Variants in ADAMTSL1 observed in about 807,000 individuals in gnomAD.
ADAMTSL1 encodes ADAMTS like 1, also known as ADAMTS-like protein 1.
A neutral mutation model predicts 201.8 loss-of-function variants in ADAMTSL1; 126 were observed. The ratio of observed to expected loss-of-function variants is 0.62; its 90% CI spans 0.54 to 0.72. The LOEUF is 0.72. Among genes scored for constraint, ADAMTSL1 ranks in the 30% least tolerant of loss-of-function variants. The probability of loss-of-function intolerance (pLI) is 0.00; values close to 1 mark genes in which losing one functional copy is unlikely to be tolerated. For synonymous variants in ADAMTSL1, 1,121 were observed against 903.4 expected (o/e 1.24, Z -4.32); for missense variants, 2,679 against 2,277.8 (o/e 1.18, Z -3.59).
At position 18,679,097 on chromosome 9, in the gene ADAMTSL1, C is replaced by G. The variant is rs76216322; in HGVS notation, c.1137-1215C>G. ...TGCAGAGAAAATGTGAAGGAAAACCCTTTGTAACTAGGAAAAACACATGAT... is the reference window on the plus strand; with the variant it reads ...TGCAGAGAAAATGTGAAGGAAAACCGTTTGTAACTAGGAAAAACACATGAT... On this transcript the variant is annotated intron_variant, in intron 10 of 28. Transcript: ENST00000380548. Among the ~76,000 whole-genome samples, 1,286 of 152,194 alleles carry G rather than the reference C, an allele frequency of 8.4e-3. 11 individuals carry two copies. Among genetic ancestry groups the G allele is most frequent in the Non-Finnish European group, 0.015 (1,039 of 67,998 alleles).
At chr9:18,500,827 T>A (rs1822790958) in intron 1 of ADAMTSL1, among the ~76,000 whole-genome samples, 1 of 152,236 alleles carries the variant, frequency 6.6e-6, no homozygotes, top group Non-Finnish European at 1.5e-5. Context: ...TTGCCTTACA[T>A]AAAGAACTTA....
At chr9:18,304,216 A>C (rs1389971209) in intron 2 of ADAMTSL1, among the ~76,000 whole-genome samples, 1 of 152,096 alleles carries the variant, frequency 6.6e-6, no homozygotes, top group African/African-American at 2.4e-5. Flanking sequence ...TTGTTTGGAA[A>C]GCAACATGAA....
rs558658588 is a variant in ADAMTSL1 at position 18,788,541 on chromosome 9, T to C, written c.3678-6856T>C. Among the ~76,000 whole-genome samples the C allele has an allele frequency of 4.6e-5, 7 of 152,294 alleles. No individual in the cohort carries two copies. The South Asian group carries it at 1.5e-3, about 32-fold the overall frequency. ...CTGAGCAAATTGCTTCTGTGAACTT[T>C]TGCCTGCTCTCTAAAATGGGAAAAT... On this transcript the variant is annotated intron_variant, in intron 19 of 28. Transcript: ENST00000380548.
intron 23 of ADAMTSL1, among the ~76,000 whole-genome samples, chr9:18,842,001 T>C (rs372292391): frequency 1.1e-4 from 17 of 151,938 alleles, no homozygotes; most frequent in Admixed American, 7.9e-4. Context: ...CCTGGATTCA[T>C]TAATTTTTTG....
chr9:18,073,132 C>T (rs1463474465), intron 1 of ADAMTSL1, among the ~76,000 whole-genome samples: 1 of 152,146 alleles, frequency 6.6e-6, no homozygotes, highest in African/African-American at 2.4e-5. Context: ...CCAGGCCTGC[C>T]ACGTGTTTTC....
intron 1 of ADAMTSL1, among the ~76,000 whole-genome samples, chr9:17,941,235 T>C (rs764193813): frequency 1.1e-4 from 16 of 152,104 alleles, no homozygotes; most frequent in South Asian, 2.1e-4. Context: ...CTTGAAAATC[T>C]TCCCATTCTT....
chr9:18,644,647 T>C (rs564302366), intron 7 of ADAMTSL1, among the ~76,000 whole-genome samples: 34 of 152,024 alleles, frequency 2.2e-4, no homozygotes, highest in African/African-American at 7.7e-4. Flanking sequence ...GTTTGGTTTT[T>C]TGTCCTTGCG....
intron 14 of ADAMTSL1, among the ~76,000 whole-genome samples, chr9:18,720,352 T>G (rs1833258282): frequency 6.6e-6 from 1 of 152,206 alleles, no homozygotes; most frequent in Non-Finnish European, 1.5e-5. Context: ...GTGCAGTTGT[T>G]GAGAGGACTG....
chr9:18,289,236 C>T (rs930399814), intron 2 of ADAMTSL1, among the ~76,000 whole-genome samples: 3 of 151,916 alleles, frequency 2.0e-5, no homozygotes, highest in Non-Finnish European at 4.4e-5. Context: ...GGCCTTGGCT[C>T]ACATTATTTA....
At chr9:18,561,110 G>A (rs1359079051) in intron 3 of ADAMTSL1, among the ~76,000 whole-genome samples, 1 of 151,870 alleles carries the variant, frequency 6.6e-6, no homozygotes, top group East Asian at 1.9e-4. Context: ...CCTAGGTCTT[G>A]TAATTGTGAT....
chr9:17,954,887 T>C (rs1185360899), intron 1 of ADAMTSL1, among the ~76,000 whole-genome samples: 1 of 152,158 alleles, frequency 6.6e-6, no homozygotes, highest in African/African-American at 2.4e-5. Context: ...TATTTGAAGA[T>C]GCTGGACCTG....
chr9:17,933,650 A>G (rs998764301), intron 1 of ADAMTSL1, among the ~76,000 whole-genome samples: 1 of 152,166 alleles, frequency 6.6e-6, no homozygotes, highest in African/African-American at 2.4e-5. Flanking sequence ...GCCTCAGGAA[A>G]CTTACAATCA....
At chr9:18,850,755 A>G (rs1826441925) in intron 23 of ADAMTSL1, among the ~76,000 whole-genome samples, 1 of 152,246 alleles carries the variant, frequency 6.6e-6, no homozygotes, top group Non-Finnish European at 1.5e-5. Flanking sequence ...CTACCGTTTT[A>G]TTAACTTACT....
At chr9:18,342,852 C>G (rs939150934) in intron 2 of ADAMTSL1, among the ~76,000 whole-genome samples, 2 of 152,156 alleles carry the variant, frequency 1.3e-5, no homozygotes, top group African/African-American at 2.4e-5. Flanking sequence ...AAGATTTCAT[C>G]TGAAACTTCT....
At chr9:18,476,320 A>C (rs1821449346) in intron 1 of ADAMTSL1, among the ~76,000 whole-genome samples, 1 of 152,192 alleles carries the variant, frequency 6.6e-6, no homozygotes. Context: ...ATAAGCTTGC[A>C]TTTGAACCCA....
chr9:18,908,656 C>G lies in ADAMTSL1; in HGVS notation c.*108C>G, dbSNP rs566969803. The G allele has an allele frequency of 2.3e-6, 2 of 855,376 alleles. No homozygotes were observed. The highest frequency in any genetic ancestry group is 1.7e-5 in the African/African-American group (1 of 58,944). 53.0% of individuals were successfully genotyped at this position (855,376 alleles called of 1,614,324 possible). A position where few individuals can be genotyped will look rare whatever the true frequency, so the allele number is the denominator to read the frequency against. ...TTTTATTTATTTATTTCCCCCTCCC[C>G]ACTCCACACACACCCTTCCAACCTC... On this transcript the variant is annotated 3_prime_UTR_variant, in exon 29 of 29. Coordinates refer to ENST00000380548, the MANE Select transcript of ADAMTSL1 (RefSeq NM_001040272.6).
chr9:18,214,676 A>G (rs1188943751), intron 2 of ADAMTSL1, among the ~76,000 whole-genome samples: 1 of 152,206 alleles, frequency 6.6e-6, no homozygotes. Context: ...GTTGTTTGCT[A>G]TTAATAATGT....
intron 1 of ADAMTSL1, among the ~76,000 whole-genome samples, chr9:17,991,005 C>T (rs1244854024): frequency 2.6e-5 from 4 of 152,056 alleles, no homozygotes; most frequent in Non-Finnish European, 5.9e-5. Context: ...TTAACTTTGA[C>T]AGAAAATTCC....
At chr9:18,779,294 A>AT in intron 19 of ADAMTSL1, among the ~76,000 whole-genome samples, 1 of 152,284 alleles carries the variant, frequency 6.6e-6, no homozygotes, top group East Asian at 1.9e-4. Flanking sequence ...TGCACACATC[A>AT]TTTTTTGCCT....
Sources: gnomAD v4.1 joint callset for allele counts (sites outside exome capture counted in the v4.1 genomes callset) on GRCh38, gnomAD v4.1.1 for gene constraint, MANE v1.5 for transcripts, NCBI Gene and HGNC (gene_info 2026-07-23, HGNC 2026-07-21) for gene names.